Variants in RIMS2 observed in about 807,000 individuals in gnomAD.
RIMS2 encodes regulating synaptic membrane exocytosis 2, also known as regulating synaptic membrane exocytosis protein 2.
In RIMS2, 59 loss-of-function variants were observed where a neutral mutation model predicts 174.4. The ratio of observed to expected loss-of-function variants is 0.34; its 90% CI spans 0.27 to 0.42. The LOEUF (loss-of-function observed/expected upper bound fraction) is 0.42, where lower values mean the gene tolerates loss of function less well. Among genes scored for constraint, RIMS2 ranks in the 10% least tolerant of loss-of-function variants. RIMS2 has a pLI of 1.00. For missense variants in RIMS2, 1,620 were observed against 1,666.3 expected (o/e 0.97, Z 0.48); for synonymous variants, 606 against 572.5 (o/e 1.06, Z -0.84).
intron 17 of RIMS2, chr8:103,998,144 C>T (rs1431536978): frequency 1.1e-5 from 16 of 1,405,692 alleles, no homozygotes; most frequent in Admixed American, 7.9e-5. Flanking sequence ...TCACTTCTTT[C>T]TTGAGTCTTA....
intron 3 of RIMS2, among the ~76,000 whole-genome samples, chr8:103,783,139 G>A (rs546890272): frequency 7.9e-5 from 12 of 152,104 alleles, no homozygotes; most frequent in African/African-American, 2.9e-4. Flanking sequence ...TCACTGCCTT[G>A]CAATTGTATG....
At chr8:103,742,243 G>T (rs2097768840) in intron 2 of RIMS2, among the ~76,000 whole-genome samples, 1 of 151,968 alleles carries the variant, frequency 6.6e-6, no homozygotes, top group Non-Finnish European at 1.5e-5. Context: ...TATATATTTA[G>T]CCAAGTAAAA....
chr8:104,230,063 T>C (rs555149705), intron 19 of RIMS2, among the ~76,000 whole-genome samples: 44 of 152,190 alleles, frequency 2.9e-4, no homozygotes, highest in African/African-American at 9.1e-4. Flanking sequence ...GCGGATCACC[T>C]GAGGTCGGGA....
rs181807817 is a variant in RIMS2, at chr8:103,932,853, C to T, written c.2375+1460C>T. Among the ~76,000 whole-genome samples the T allele has an allele frequency of 2.1e-3, 322 of 152,088 alleles. 2 individuals carry two copies. Among genetic ancestry groups the T allele is most frequent in the Non-Finnish European group, 3.8e-3 (255 of 67,982 alleles). ...AGGAGTTCAAGACCAGCCTGAGCAC[C>T]GTAATGTGACCCTATCTCTATGGCC... On this transcript the variant is annotated intron_variant, in intron 12 of 23. Transcript: ENST00000504942.
At chr8:103,904,679 A>G (rs1006461766) in intron 4 of RIMS2, among the ~76,000 whole-genome samples, 2 of 152,008 alleles carry the variant, frequency 1.3e-5, no homozygotes, top group African/African-American at 4.8e-5. Context: ...ATGTCACTGG[A>G]TTCTCTTTGC....
chr8:103,954,695 A>G (rs2086573572), intron 14 of RIMS2, among the ~76,000 whole-genome samples: 2 of 151,932 alleles, frequency 1.3e-5, no homozygotes, highest in African/African-American at 4.8e-5. Flanking sequence ...TAAAAGAACT[A>G]GAGAAGCAAG....
At chr8:104,049,347 C>G (rs1311767927) in intron 19 of RIMS2, among the ~76,000 whole-genome samples, 1 of 152,036 alleles carries the variant, frequency 6.6e-6, no homozygotes, top group Non-Finnish European at 1.5e-5. Context: ...TGAACCCGAA[C>G]CCGGGAGGCG....
intron 2 of RIMS2, among the ~76,000 whole-genome samples, chr8:103,736,288 T>C (rs1310081807): frequency 6.6e-6 from 1 of 152,180 alleles, no homozygotes; most frequent in Non-Finnish European, 1.5e-5. Context: ...TAAGCTGGAA[T>C]TCTGCAGAAC....
At chr8:104,059,415 A>AT (rs1341316141) in intron 19 of RIMS2, among the ~76,000 whole-genome samples, 1 of 151,226 alleles carries the variant, frequency 6.6e-6, no homozygotes, top group African/African-American at 2.4e-5. Flanking sequence ...TTGTACATTG[A>AT]TTTTGTATCC....
chr8:103,913,474 A>AT (rs999536702), intron 6 of RIMS2, among the ~76,000 whole-genome samples: 1 of 152,132 alleles, frequency 6.6e-6, no homozygotes, highest in African/African-American at 2.4e-5. Context: ...AGCCATTCCT[A>AT]TAAAAATTGT....
At chr8:103,861,644 G>GT (rs904302091) in intron 3 of RIMS2, among the ~76,000 whole-genome samples, 2 of 151,986 alleles carry the variant, frequency 1.3e-5, no homozygotes, top group Non-Finnish European at 2.9e-5. Flanking sequence ...AACATCTGTT[G>GT]TTTTTTGACT....
chr8:103,928,407 T>C (rs1332548026), intron 11 of RIMS2, among the ~76,000 whole-genome samples: 1 of 151,528 alleles, frequency 6.6e-6, no homozygotes, highest in Admixed American at 6.6e-5. Context: ...AGTATTTTGC[T>C]TTGAAAGAAC....
intron 19 of RIMS2, among the ~76,000 whole-genome samples, chr8:104,060,992 A>T (rs1378404222): frequency 6.6e-6 from 1 of 152,088 alleles, no homozygotes; most frequent in Admixed American, 6.6e-5. Flanking sequence ...ACTTCCAACT[A>T]TGTGGTCAAT....
At chr8:103,591,192 C>G (rs115985987) in intron 1 of RIMS2, among the ~76,000 whole-genome samples, 4,713 of 151,044 alleles carry the variant, frequency 0.031, 221 homozygotes, top group African/African-American at 0.11. Flanking sequence ...GCTTATTGAT[C>G]ATTCATACAT....
At chr8:103,997,579 T>A (rs1336120273) in intron 17 of RIMS2, among the ~76,000 whole-genome samples, 1 of 151,610 alleles carries the variant, frequency 6.6e-6, no homozygotes, top group Non-Finnish European at 1.5e-5. Context: ...TTATGAGGCA[T>A]GAAAGGTAGC....
chr8:103,900,148 T>C (rs1326702076), intron 4 of RIMS2, among the ~76,000 whole-genome samples: 4 of 151,712 alleles, frequency 2.6e-5, no homozygotes, highest in African/African-American at 9.8e-5. Context: ...TGAACTCAGG[T>C]AGCCATATCC....
At chr8:103,797,191 G>A (rs949335382) in intron 3 of RIMS2, among the ~76,000 whole-genome samples, 6 of 152,074 alleles carry the variant, frequency 3.9e-5, no homozygotes, top group African/African-American at 1.4e-4. Context: ...TTTCTTCAAA[G>A]CCTAACTCAA....
At chr8:103,988,392 T>C (rs949499812) in intron 16 of RIMS2, among the ~76,000 whole-genome samples, 3 of 152,150 alleles carry the variant, frequency 2.0e-5, no homozygotes, top group African/African-American at 7.2e-5. Context: ...CATGTCTTAA[T>C]TGTGTTTTAA....
chr8:103,953,505 T>G (rs550419902), intron 14 of RIMS2, among the ~76,000 whole-genome samples: 142 of 152,178 alleles, frequency 9.3e-4, no homozygotes, highest in Non-Finnish European at 1.6e-3. Context: ...CAAACTAAGC[T>G]TCATAAGTGA....
Sources: allele counts gnomAD v4.1 joint callset (sites outside exome capture counted in the v4.1 genomes callset), GRCh38; gene constraint gnomAD v4.1.1; transcripts MANE v1.5; gene names NCBI Gene and HGNC (gene_info 2026-07-23, HGNC 2026-07-21).